Variants in DDX31 observed in about 807,000 individuals in gnomAD.
DDX31 encodes ATP-dependent DNA helicase DDX31.
Under a neutral mutation model 91.3 loss-of-function variants are expected in DDX31, and 70 were observed. The ratio of observed to expected loss-of-function variants is 0.77; its 90% confidence interval spans 0.63 to 0.94. The LOEUF (loss-of-function observed/expected upper bound fraction) is 0.94, where lower values mean the gene tolerates loss of function less well. Among genes scored for constraint, DDX31 ranks in the 40% least tolerant of loss-of-function variants. DDX31 has a pLI of 0.00. For missense variants in DDX31, 902 were observed against 925.0 expected, an observed-to-expected ratio of 0.98 and a Z score of 0.32; for synonymous variants, 362 against 350.6, an observed-to-expected ratio of 1.03 and a Z score of -0.36.
At chr9:132,658,301 G>A (rs1396062300) in intron 6 of DDX31, 2 of 703,288 alleles carry the variant, frequency 2.8e-6, no homozygotes, top group Admixed American at 4.0e-5. Flanking sequence ...CATGGCCTTG[G>A]TTATTTAACT....
chr9:132,597,699 G>A (rs1373859706), intron 19 of DDX31, among the ~76,000 whole-genome samples: 1 of 152,154 alleles, frequency 6.6e-6, no homozygotes, highest in Non-Finnish European at 1.5e-5. Context: ...GTGCTCCCAG[G>A]CTGCCATCCA....
intron 19 of DDX31, among the ~76,000 whole-genome samples, chr9:132,599,695 G>C (rs904246421): frequency 9.2e-5 from 14 of 152,224 alleles, no homozygotes; most frequent in Non-Finnish European, 2.1e-4. Flanking sequence ...GTTTGATTTT[G>C]CGAGGGTGTA....
chr9:132,649,825 T>C (rs760106427), intron 9 of DDX31, among the ~76,000 whole-genome samples: 1 of 152,238 alleles, frequency 6.6e-6, no homozygotes, highest in Non-Finnish European at 1.5e-5. Flanking sequence ...ACAAACATAT[T>C]CGGTTGTAAA....
chr9:132,662,520 C>G lies in DDX31; in HGVS notation c.251G>C (p.Ser84Thr). ...FSPKKHSVST[S>T]DRNQEERQCI... ...CTGTCTCTCCTCCTGGTTTCTATCA[C>G]TTGTGCTAACCGAATGCTTCTTTGG... The change falls in exon 2 of 20, where the codon AGT becomes ACT. Residue 84 changes from serine (S) to threonine (T), a missense_variant. Coordinates refer to ENST00000372159, the MANE Select transcript of DDX31 (RefSeq NM_022779.9). 6.2e-7 allele frequency: 1 copy of G among 1,614,238 alleles called. No homozygotes were observed. Among genetic ancestry groups the G allele is most frequent in the Non-Finnish European group, 8.5e-7 (1 of 1,180,048 alleles).
intron 5 of DDX31, 49 bp downstream of exon 5, chr9:132,659,661 A>G (rs948745172): frequency 1.3e-6 from 2 of 1,563,274 alleles, no homozygotes; most frequent in Non-Finnish European, 1.7e-6. Flanking sequence ...CTAGTGCATG[A>G]CCATGGGCCT....
chr9:132,603,098 T>C (rs1564275786), intron 19 of DDX31, among the ~76,000 whole-genome samples: 2 of 152,178 alleles, frequency 1.3e-5, no homozygotes, highest in Non-Finnish European at 1.5e-5. Context: ...CTCAGTGAGA[T>C]AATGTGCATG....
intron 12 of DDX31, among the ~76,000 whole-genome samples, chr9:132,646,492 T>C (rs1323743918): frequency 6.6e-6 from 1 of 152,098 alleles, no homozygotes; most frequent in Non-Finnish European, 1.5e-5. Context: ...AATACACAAA[T>C]GCCAAGACTC....
In DDX31 at chr9:132,662,535, T is replaced by C. The variant is rs752622691; in HGVS notation, c.236A>G (p.His79Arg). ...GTTTCTATCACTTGTGCTAACCGAA[T>C]GCTTCTTTGGAGAAAACATTTTTTG... ...NAQKMFSPKK[H>R]SVSTSDRNQE... Residue 79 changes from histidine to arginine, a missense_variant, in exon 2 of 20, where the codon CAT becomes CGT. His to Arg is a conservative substitution (Grantham distance 29). Transcript: ENST00000372159. 4 of 1,614,130 alleles carry C rather than the reference T, an allele frequency of 2.5e-6. No homozygotes were observed. Among genetic ancestry groups the C allele is most frequent in the Non-Finnish European group, 3.4e-6 (4 of 1,180,046 alleles).
In DDX31 at chr9:132,618,353, C is replaced by T; in HGVS notation, c.1802G>A (p.Arg601Lys). The T allele has an allele frequency of 6.2e-7, 1 of 1,609,698 alleles. No homozygotes were observed. Among genetic ancestry groups the T allele is most frequent in the South Asian group, 1.1e-5 (1 of 89,854 alleles). Reference protein sequence around the residue: ...VFEDYVHSSERRVSWAKKALQ... With the variant: ...VFEDYVHSSEKRVSWAKKALQ... ...ACCTTTCTTTGCCCAGGAGACCCTC[C>T]TCTCACTGGAGTGCACGTAATCTTC... Residue 601 changes from arginine to lysine, a missense_variant, in exon 18 of 20, where the codon AGG becomes AAG. Arg to Lys is a conservative substitution (Grantham distance 26). Coordinates refer to ENST00000372159, the MANE Select transcript of DDX31 (RefSeq NM_022779.9).
At chr9:132,616,683 G>A (rs538192695) in intron 18 of DDX31, among the ~76,000 whole-genome samples, 1 of 152,278 alleles carries the variant, frequency 6.6e-6, no homozygotes, top group African/African-American at 2.4e-5. Context: ...TATTCCTCTT[G>A]AGAGACACAG....
Position 132,593,424 on chromosome 9 carries a change from T to A in DDX31, c.*1442A>T, listed in dbSNP as rs899232986. 1.3e-5 allele frequency: 2 copies of A among 152,188 alleles called. No homozygotes were observed. The highest frequency in any genetic ancestry group is 2.9e-5 in the Non-Finnish European group (2 of 68,022). 9.4% of individuals were successfully genotyped at this position (152,188 alleles called of 1,614,324 possible). The stretch of plus-strand genomic sequence containing the variant: ...TCATGTGAACCATTACACATCGAAA[T>A]AAAAGAAAGGTGGCAGACTTGCCCA... On this transcript the variant is annotated 3_prime_UTR_variant, in exon 20 of 20. Transcript: ENST00000372159.
intron 5 of DDX31, 128 bp downstream of exon 5, chr9:132,659,582 G>A: frequency 1.3e-6 from 1 of 795,118 alleles, no homozygotes; most frequent in Non-Finnish European, 2.0e-6. Flanking sequence ...CTAATCAAAA[G>A]CATGGCCTCC....
Position 132,625,667 on chromosome 9 carries a change from G to A in DDX31, c.1710C>T (p.Ala570=), listed in dbSNP as rs756200268. 2.0e-5 allele frequency: 32 copies of A among 1,613,322 alleles called. No homozygotes were observed. The highest frequency in any genetic ancestry group is 2.7e-5 in the Non-Finnish European group (32 of 1,179,458). ...DDCFKGKRWG[A]QKSHAVGPQE... is the part of the protein sequence containing the mutation. ...CACAATAAATAACAAAACTCACCTG[G>A]GCTCCCCATCGTTTCCCTTTAAAAC... is the stretch of plus-strand genomic sequence containing the variant. Residue 570 remains alanine (A), a synonymous_variant, in exon 17 of 20, where the codon GCC becomes GCT. Coordinates refer to ENST00000372159, the MANE Select transcript of DDX31 (RefSeq NM_022779.9).
chr9:132,626,976 AT>A (rs1201284642), intron 16 of DDX31, among the ~76,000 whole-genome samples: 1 of 152,136 alleles, frequency 6.6e-6, no homozygotes, highest in Non-Finnish European at 1.5e-5. Flanking sequence ...TCTATTTTTC[AT>A]AGGAGAGAGC....
chr9:132,640,790 G>T (rs1833457386), intron 14 of DDX31, among the ~76,000 whole-genome samples: 2 of 152,182 alleles, frequency 1.3e-5, no homozygotes, highest in South Asian at 4.1e-4. Flanking sequence ...TGGTAGGCAT[G>T]AACCATCACA....
At chr9:132,652,550 CGGACA>C in intron 6 of DDX31, 58 bp from the exon 7 acceptor site, 1 of 1,605,514 alleles carries the variant, frequency 6.2e-7, no homozygotes, top group Non-Finnish European at 8.5e-7. Flanking sequence ...AGACTCCAAA[CGGACA>C]GGACACAGGG....
chr9:132,600,838 C>T (rs1470541633), intron 19 of DDX31, among the ~76,000 whole-genome samples: 1 of 152,168 alleles, frequency 6.6e-6, no homozygotes, highest in Non-Finnish European at 1.5e-5. Context: ...TAGCTGATGA[C>T]CTTGTAGAGT....
chr9:132,636,273 T>C (rs894300996), intron 14 of DDX31, among the ~76,000 whole-genome samples: 1 of 152,214 alleles, frequency 6.6e-6, no homozygotes, highest in African/African-American at 2.4e-5. Context: ...CAATTTAGGA[T>C]GTTCTCTATC....
At chr9:132,667,370 G>A (rs1318404878) in intron 1 of DDX31, among the ~76,000 whole-genome samples, 2 of 151,866 alleles carry the variant, frequency 1.3e-5, no homozygotes, top group Non-Finnish European at 2.9e-5. Flanking sequence ...GGAGGCCGAG[G>A]TGGGCAGATC....
Sources: gnomAD v4.1 joint callset for allele counts (sites outside exome capture counted in the v4.1 genomes callset) on GRCh38, gnomAD v4.1.1 for gene constraint, MANE v1.5 for transcripts, NCBI Gene and HGNC (gene_info 2026-07-23, HGNC 2026-07-21) for gene names.